Variants in RBFOX1 observed in about 807,000 individuals in gnomAD.
RBFOX1 encodes the protein RNA binding protein fox-1 homolog 1.
In RBFOX1, 8 loss-of-function variants were observed where a neutral mutation model predicts 57.7. That is an observed-to-expected ratio of 0.14 (90% CI 0.08 to 0.25). The LOEUF is 0.25. Among genes scored for constraint, RBFOX1 ranks in the 10% least tolerant of loss-of-function variants. The pLI is 1.00. For missense variants in RBFOX1, 611 were observed against 548.5 expected (o/e 1.11, Z -1.14); for synonymous variants, 326 against 222.4 (o/e 1.47, Z -4.15).
At chr16:5,270,861 A>C (rs1204728008) in intron 1 of RBFOX1, 3 of 416,256 alleles carry the variant, frequency 7.2e-6, no homozygotes, top group Admixed American at 6.3e-5. Flanking sequence ...TTCATGGTGA[A>C]GGTAGTAGTT....
At chr16:7,064,731 A>G (rs1295132135) in intron 4 of RBFOX1, among the ~76,000 whole-genome samples, 1 of 152,224 alleles carries the variant, frequency 6.6e-6, no homozygotes, top group Non-Finnish European at 1.5e-5. Flanking sequence ...AATCAAATAC[A>G]TTGCTACTAA....
intron 2 of RBFOX1, among the ~76,000 whole-genome samples, chr16:6,581,338 C>CAGGCATTGTCT (rs2097534705): frequency 6.6e-6 from 1 of 152,200 alleles, no homozygotes; most frequent in Admixed American, 6.5e-5. Context: ...AGCACCCTTG[C>CAGGCATTGTCT]CTTCCTCTTT....
At chr16:5,611,488 C>T (rs2047784615) in intron 3 of RBFOX1, 1 of 152,230 alleles carries the variant, frequency 6.6e-6, no homozygotes, top group African/African-American at 2.4e-5. Flanking sequence ...CTGCTGTGTT[C>T]CTTGGCTCCT....
chr16:6,780,410 T>TTATAGATATTTA (rs1555461303), intron 3 of RBFOX1, among the ~76,000 whole-genome samples: 2 of 79,224 alleles, frequency 2.5e-5, no homozygotes, highest in African/African-American at 1.2e-4. Flanking sequence ...TTATATATAT[T>TTATAGATATTTA]TATATATATT....
At chr16:7,279,614 TAGAG>T (rs1295394243) in intron 4 of RBFOX1, among the ~76,000 whole-genome samples, 2 of 152,154 alleles carry the variant, frequency 1.3e-5, no homozygotes, top group Non-Finnish European at 2.9e-5. Flanking sequence ...GTTCTGGGAA[TAGAG>T]AGGAGGGATG....
At chr16:6,456,889 G>GA (rs2094787694) in intron 2 of RBFOX1, among the ~76,000 whole-genome samples, 1 of 152,082 alleles carries the variant, frequency 6.6e-6, no homozygotes. Flanking sequence ...GGCAGAATTA[G>GA]AAAAAAGAGA....
At chr16:7,510,252 G>A (rs2074662660) in intron 4 of RBFOX1, 2 of 985,804 alleles carry the variant, frequency 2.0e-6, no homozygotes, top group Non-Finnish European at 2.4e-6. Flanking sequence ...ATGCTTTGTG[G>A]TGTGGGACAA....
At chr16:6,671,098 A>C (rs930429748) in intron 3 of RBFOX1, among the ~76,000 whole-genome samples, 1 of 152,224 alleles carries the variant, frequency 6.6e-6, no homozygotes, top group African/African-American at 2.4e-5. Flanking sequence ...ACAACCAGAT[A>C]ATTATTTCTT....
chr16:7,435,939 C>T (rs112195910), intron 4 of RBFOX1, among the ~76,000 whole-genome samples: 10 of 152,322 alleles, frequency 6.6e-5, no homozygotes, highest in Non-Finnish European at 1.3e-4. Context: ...AGTACGTCAA[C>T]ATTACTGCAG....
chr16:6,479,553 A>G (rs1359583339), intron 2 of RBFOX1, among the ~76,000 whole-genome samples: 1 of 151,420 alleles, frequency 6.6e-6, no homozygotes, highest in Non-Finnish European at 1.5e-5. Flanking sequence ...ATGCCACTGT[A>G]CTCTACCCTG....
At chr16:7,383,197 A>G (rs979830251) in intron 4 of RBFOX1, among the ~76,000 whole-genome samples, 1 of 151,930 alleles carries the variant, frequency 6.6e-6, no homozygotes, top group Non-Finnish European at 1.5e-5. Context: ...CTTATTTCTC[A>G]TGGCATGCCT....
At chr16:6,011,383 T>C (rs892909840) in intron 4 of RBFOX1, among the ~76,000 whole-genome samples, 1 of 152,186 alleles carries the variant, frequency 6.6e-6, no homozygotes, top group African/African-American at 2.4e-5. Context: ...GTTTTTTTTT[T>C]ATTGGCCTTT....
chr16:7,636,737 A>C (rs1272782120), intron 11 of RBFOX1, among the ~76,000 whole-genome samples: 2 of 152,166 alleles, frequency 1.3e-5, no homozygotes, highest in Non-Finnish European at 2.9e-5. Context: ...TGGAAGTCCA[A>C]GATCAGGGTG....
At chr16:7,294,008 A>G (rs987342237) in intron 4 of RBFOX1, among the ~76,000 whole-genome samples, 9 of 152,140 alleles carry the variant, frequency 5.9e-5, no homozygotes, top group African/African-American at 2.2e-4. Flanking sequence ...TTAAAGATAA[A>G]ATTTCTGAGC....
At chr16:7,060,630 AC>A (rs1388269562) in intron 4 of RBFOX1, among the ~76,000 whole-genome samples, 4 of 152,186 alleles carry the variant, frequency 2.6e-5, no homozygotes, top group South Asian at 2.1e-4. Context: ...ATGACTCAGA[AC>A]CCCATCTGTC....
intron 1 of RBFOX1, among the ~76,000 whole-genome samples, chr16:6,237,060 A>G (rs74005008): frequency 5.7e-4 from 87 of 152,294 alleles, no homozygotes; most frequent in African/African-American, 2.0e-3. Flanking sequence ...CCTCAGCAAA[A>G]TGGAGTGTCT....
At chr16:7,148,582 T>C (rs2075503460) in intron 4 of RBFOX1, among the ~76,000 whole-genome samples, 1 of 152,172 alleles carries the variant, frequency 6.6e-6, no homozygotes, top group Non-Finnish European at 1.5e-5. Flanking sequence ...AGAATGGAGA[T>C]TTTCCAAGTT....
At position 6,835,117 on chromosome 16, in the gene RBFOX1, G is replaced by C. The variant is rs374443939; in HGVS notation, c.-16+180467G>C. On this transcript the variant is annotated intron_variant, in intron 3 of 15. Coordinates refer to ENST00000550418, the MANE Select transcript of RBFOX1 (RefSeq NM_018723.4). ...CCAGGATGTTAGTGTTAGCCAGGAT[G>C]GTCTCAATCTCCTGACCCTGTGATC... Among the ~76,000 whole-genome samples the C allele has an allele frequency of 2.6e-5, 4 of 152,038 alleles. No homozygotes were observed. The South Asian group carries it at 8.3e-4, about 32-fold the overall frequency.
At chr16:5,776,539 C>A (rs1444336971) in intron 3 of RBFOX1, among the ~76,000 whole-genome samples, 2 of 152,184 alleles carry the variant, frequency 1.3e-5, no homozygotes, top group Non-Finnish European at 2.9e-5. Context: ...TTATTACGTG[C>A]CCACTAGTCT....
Sources: allele counts gnomAD v4.1 joint callset (sites outside exome capture counted in the v4.1 genomes callset), GRCh38; gene constraint gnomAD v4.1.1; transcripts MANE v1.5; gene names NCBI Gene and HGNC (gene_info 2026-07-23, HGNC 2026-07-21).